RBFOX1: variants seen among roughly 807,000 people sequenced by gnomAD.
RBFOX1 encodes RNA binding fox-1 homolog 1.
In RBFOX1, 8 loss-of-function variants were observed where a neutral mutation model predicts 57.7. The ratio of observed to expected loss-of-function variants is 0.14; its 90% CI spans 0.08 to 0.25. RBFOX1 has a LOEUF of 0.25. Ranked by LOEUF, RBFOX1 falls within the 10% of genes least tolerant of loss-of-function variation. The probability of loss-of-function intolerance (pLI) is 1.00; values close to 1 mark genes in which losing one functional copy is unlikely to be tolerated. For missense variants in RBFOX1, 611 were observed against 548.5 expected (o/e 1.11, Z -1.14); for synonymous variants, 326 against 222.4 (o/e 1.47, Z -4.15).
intron 3 of RBFOX1, among the ~76,000 whole-genome samples, chr16:6,832,520 A>G (rs920654970): frequency 6.6e-6 from 1 of 152,174 alleles, no homozygotes; most frequent in Non-Finnish European, 1.5e-5. Flanking sequence ...ATGCTGCCTA[A>G]TTGTATGCCT....
intron 4 of RBFOX1, among the ~76,000 whole-genome samples, chr16:7,408,600 A>T (rs1221729361): frequency 2.0e-5 from 3 of 152,234 alleles, no homozygotes; most frequent in African/African-American, 7.2e-5. Context: ...ATTTAATTTA[A>T]TAAGACCTTA....
intron 3 of RBFOX1, among the ~76,000 whole-genome samples, chr16:7,012,806 AGTGT>A (rs1568366759): frequency 6.6e-6 from 1 of 152,158 alleles, no homozygotes; most frequent in Non-Finnish European, 1.5e-5. Flanking sequence ...CTGATATCTT[AGTGT>A]GTTCAGGCTG....
In RBFOX1 at chr16:7,246,615, A is replaced by T. The variant is rs1205754208; in HGVS notation, c.27+194517A>T. On this transcript the variant is annotated intron_variant, in intron 4 of 15. Transcript: ENST00000550418. ...TGTTGTTGCACATCTATTTATTGTCAGACTGTATGGTCACCTCCTTTTTTT... is the reference window on the plus strand; with the variant it reads ...TGTTGTTGCACATCTATTTATTGTCTGACTGTATGGTCACCTCCTTTTTTT... Among the ~76,000 whole-genome samples the T allele has an allele frequency of 2.1e-5, 3 of 144,482 alleles. 1 individual carries two copies. The highest frequency in any genetic ancestry group is 1.5e-5 in the Non-Finnish European group (1 of 66,854). The allele number at this position is 144,482 out of a possible 152,430, so 94.8% of individuals were successfully genotyped here.
chr16:7,018,571 A>T (rs1013311100), intron 3 of RBFOX1, among the ~76,000 whole-genome samples: 1 of 152,152 alleles, frequency 6.6e-6, no homozygotes, highest in African/African-American at 2.4e-5. Context: ...AGCATAATTT[A>T]TAATCCTTTG....
At chr16:5,349,353 A>G (rs537853214) in intron 1 of RBFOX1, among the ~76,000 whole-genome samples, 3 of 152,294 alleles carry the variant, frequency 2.0e-5, no homozygotes, top group East Asian at 1.9e-4. Flanking sequence ...ACATTTTCCC[A>G]TAGTTAACAA....
chr16:5,300,165 T>C (rs1473629637), intron 1 of RBFOX1, among the ~76,000 whole-genome samples: 1 of 152,208 alleles, frequency 6.6e-6, no homozygotes, highest in East Asian at 1.9e-4. Flanking sequence ...TTTGGTCATA[T>C]TGTATTATCC....
intron 4 of RBFOX1, among the ~76,000 whole-genome samples, chr16:7,472,440 G>C (rs1174363024): frequency 6.6e-6 from 1 of 152,196 alleles, no homozygotes. Flanking sequence ...TCTTTCCAGT[G>C]TGGCTGAACT....
intron 3 of RBFOX1, among the ~76,000 whole-genome samples, chr16:5,789,962 C>G (rs9923198): frequency 0.014 from 2,176 of 152,234 alleles, 49 homozygotes; most frequent in African/African-American, 0.048. Context: ...ACAGATAGAC[C>G]TCTACACCTC....
chr16:5,324,769 A>T (rs551330060), intron 1 of RBFOX1, among the ~76,000 whole-genome samples: 25 of 152,308 alleles, frequency 1.6e-4, no homozygotes, highest in Middle Eastern at 3.4e-3. Context: ...ACTCACGGAC[A>T]CATAGAGGGG....
chr16:6,813,922 CT>C (rs2089419792), intron 3 of RBFOX1, among the ~76,000 whole-genome samples: 1 of 152,108 alleles, frequency 6.6e-6, no homozygotes, highest in Non-Finnish European at 1.5e-5. Context: ...GTTACATTTC[CT>C]TCCTCAAGTT....
At chr16:5,837,875 A>G (rs1442198217) in intron 3 of RBFOX1, among the ~76,000 whole-genome samples, 1 of 152,022 alleles carries the variant, frequency 6.6e-6, no homozygotes, top group Non-Finnish European at 1.5e-5. Context: ...TAAATCCTTG[A>G]GTTGGCTGGG....
intron 3 of RBFOX1, among the ~76,000 whole-genome samples, chr16:6,838,691 C>G (rs563803050): frequency 8.5e-5 from 13 of 152,204 alleles, no homozygotes; most frequent in Non-Finnish European, 1.3e-4. Flanking sequence ...CCTTCCCATG[C>G]TAATCCCCAG....
chr16:5,554,589 C>T (rs2045598235), intron 2 of RBFOX1, among the ~76,000 whole-genome samples: 2 of 152,154 alleles, frequency 1.3e-5, no homozygotes, highest in African/African-American at 2.4e-5. Flanking sequence ...CACAGTTTTG[C>T]ATTCAATGTC....
intron 3 of RBFOX1, among the ~76,000 whole-genome samples, chr16:7,044,009 C>G (rs1457740687): frequency 1.3e-5 from 2 of 152,220 alleles, no homozygotes; most frequent in East Asian, 1.9e-4. Flanking sequence ...GCAAGCACCT[C>G]TTACACTTTC....
chr16:6,545,805 C>G (rs2096886635), intron 2 of RBFOX1, among the ~76,000 whole-genome samples: 1 of 152,144 alleles, frequency 6.6e-6, no homozygotes, highest in African/African-American at 2.4e-5. Flanking sequence ...AGCCTCAAAG[C>G]TATAGGAGAG....
At chr16:7,434,912 G>C (rs981810267) in intron 4 of RBFOX1, among the ~76,000 whole-genome samples, 1 of 151,944 alleles carries the variant, frequency 6.6e-6, no homozygotes, top group Non-Finnish European at 1.5e-5. Flanking sequence ...GCTAATTTTT[G>C]TATTTTTAGT....
At chr16:7,525,692 A>G (rs984053424) in intron 5 of RBFOX1, among the ~76,000 whole-genome samples, 2 of 152,154 alleles carry the variant, frequency 1.3e-5, no homozygotes, top group Non-Finnish European at 2.9e-5. Flanking sequence ...GTCCTGGAGA[A>G]GAAAAATTGA....
chr16:5,779,033 C>T (rs995008148), intron 3 of RBFOX1, among the ~76,000 whole-genome samples: 1 of 152,124 alleles, frequency 6.6e-6, no homozygotes, highest in Admixed American at 6.6e-5. Flanking sequence ...TGGGATGAAC[C>T]AACCTATTAC....
intron 3 of RBFOX1, among the ~76,000 whole-genome samples, chr16:5,637,773 T>A (rs2048731111): frequency 6.6e-6 from 1 of 152,070 alleles, no homozygotes; most frequent in Non-Finnish European, 1.5e-5. Flanking sequence ...CACATTCCCA[T>A]GCTGAAGACC....
Sources: allele counts gnomAD v4.1 joint callset (sites outside exome capture counted in the v4.1 genomes callset), GRCh38; gene constraint gnomAD v4.1.1; transcripts MANE v1.5; gene names NCBI Gene and HGNC (gene_info 2026-07-23, HGNC 2026-07-21).